Variants in MAP2K5 observed in about 807,000 individuals in gnomAD.
MAP2K5 encodes the protein mitogen-activated protein kinase kinase 5.
In MAP2K5, 49 loss-of-function variants were observed where a neutral mutation model predicts 83.1. That is an observed-to-expected ratio of 0.59 (90% CI 0.47 to 0.75). MAP2K5 has a LOEUF of 0.75. Among genes scored for constraint, MAP2K5 ranks in the 30% least tolerant of loss-of-function variants. MAP2K5 has a pLI of 0.00. For synonymous variants in MAP2K5, 202 were observed against 191.8 expected, an observed-to-expected ratio of 1.05 and a Z score of -0.44; for missense variants, 457 against 557.5, an observed-to-expected ratio of 0.82 and a Z score of 1.82.
At chr15:67,789,384 T>C (rs901503466) in intron 21 of MAP2K5, among the ~76,000 whole-genome samples, 1 of 152,184 alleles carries the variant, frequency 6.6e-6, no homozygotes, top group African/African-American at 2.4e-5. Flanking sequence ...GATACTAAAT[T>C]ATCAGATTTT....
chr15:67,579,855 A>G (rs1477827343), intron 3 of MAP2K5, among the ~76,000 whole-genome samples: 3 of 152,218 alleles, frequency 2.0e-5, no homozygotes, highest in African/African-American at 7.2e-5. Flanking sequence ...AATAATATGC[A>G]CATGTTTTTA....
At chr15:67,745,796 T>G (rs555752796) in intron 17 of MAP2K5, among the ~76,000 whole-genome samples, 2 of 152,360 alleles carry the variant, frequency 1.3e-5, no homozygotes, top group South Asian at 2.1e-4. Flanking sequence ...TGATGTTGCA[T>G]CATCAAATTC....
chr15:67,773,949 A>G (rs2090188991), intron 21 of MAP2K5, among the ~76,000 whole-genome samples: 1 of 152,238 alleles, frequency 6.6e-6, no homozygotes, highest in African/African-American at 2.4e-5. Context: ...AAACAAAGGA[A>G]TAGGGTTTCA....
chr15:67,567,077 A>T (rs1217891161), intron 3 of MAP2K5, among the ~76,000 whole-genome samples: 1 of 152,230 alleles, frequency 6.6e-6, no homozygotes, highest in Non-Finnish European at 1.5e-5. Context: ...TTTTTAAGAG[A>T]TAAAGAGAAG....
In MAP2K5 at chr15:67,790,323, A is replaced by G. The variant is rs2090493936; in HGVS notation, c.1243-16323A>G. Among the ~76,000 whole-genome samples the G allele has an allele frequency of 6.6e-6, 1 of 152,168 alleles. No homozygotes were observed. The highest frequency in any genetic ancestry group is 1.5e-5 in the Non-Finnish European group (1 of 68,026). On this transcript the variant is annotated intron_variant, in intron 21 of 21. Transcript: ENST00000178640. The surrounding 1 kb of genome is among the most constrained non-coding windows in gnomAD (Gnocchi z 4.6). ...TTAATGATAGGTTAATGTACAGTAT[A>G]ATGTTTTTGGGACTACGGGTTCATT...
chr15:67,608,111 C>T (rs973531249), intron 8 of MAP2K5, among the ~76,000 whole-genome samples: 4 of 152,140 alleles, frequency 2.6e-5, no homozygotes, highest in African/African-American at 9.7e-5. Context: ...ATCAGGTAAA[C>T]ATTACATTAG....
At position 67,727,935 on chromosome 15, in the gene MAP2K5, C is replaced by T. The variant is rs369963694; in HGVS notation, c.1064C>T (p.Pro355Leu). 1.9e-6 allele frequency: 3 copies of T among 1,612,326 alleles called. No individual in the cohort carries two copies. In the African/African-American group the frequency reaches 4.0e-5, roughly 22 times the overall value. ...TCCCAGCTTGCTCTTGGGAGGTTTC[C>T]ATATCCTCAGGTAAGATTGTTCATT... ...SFMELALGRF[P>L]YPQIQKNQGS... The change falls in exon 17 of 22, where the codon CCA becomes CTA. Residue 355 changes from proline to leucine, a missense_variant. By Grantham distance (98) the Pro-to-Leu change is moderately conservative (BLOSUM62 -3). Transcript: ENST00000178640.
chr15:67,728,230 AG>A (rs2089143640), intron 17 of MAP2K5, among the ~76,000 whole-genome samples: 1 of 151,822 alleles, frequency 6.6e-6, no homozygotes, highest in South Asian at 2.1e-4. Context: ...ACTCATTTTG[AG>A]GTTGGAGGAG....
intron 13 of MAP2K5, among the ~76,000 whole-genome samples, chr15:67,673,989 C>T (rs867809682): frequency 6.6e-6 from 1 of 152,062 alleles, no homozygotes; most frequent in Non-Finnish European, 1.5e-5. Context: ...GCTGGGAGTA[C>T]ACACACGTGC....
At chr15:67,570,411 G>A (rs916888516) in intron 3 of MAP2K5, among the ~76,000 whole-genome samples, 2 of 152,152 alleles carry the variant, frequency 1.3e-5, no homozygotes, top group African/African-American at 4.8e-5. Context: ...TGGACCCTCG[G>A]TCAAGTCTTT....
intron 1 of MAP2K5, among the ~76,000 whole-genome samples, chr15:67,544,066 T>G (rs1205452152): frequency 4.6e-5 from 7 of 152,212 alleles, no homozygotes; most frequent in African/African-American, 1.7e-4. Context: ...CACACCTGGA[T>G]AATTTTTGTA....
At chr15:67,585,716 C>G in intron 4 of MAP2K5, 174 bp from the exon 5 acceptor site, 1 of 583,152 alleles carries the variant, frequency 1.7e-6, no homozygotes, top group Admixed American at 2.7e-5. Flanking sequence ...AATGCTCACT[C>G]CTGCAAGTTA....
Position 67,779,657 on chromosome 15 carries a change from T to C in MAP2K5, c.1242+6905T>C, listed in dbSNP as rs1407830396. ...AGTCAAGTCAGATCTCTTAGTATGA[T>C]GATGACTTGCCTGTTTAAGATTGTA... On this transcript the variant is annotated intron_variant, in intron 21 of 21. Coordinates refer to ENST00000178640, the MANE Select transcript of MAP2K5 (RefSeq NM_145160.3). The surrounding 1 kb of genome is among the most constrained non-coding windows in gnomAD (Gnocchi z 4.6). 2.6e-5 allele frequency among the ~76,000 whole-genome samples: 4 copies of C among 152,274 alleles called. No individual in the cohort carries two copies. Among genetic ancestry groups the C allele is most frequent in the Admixed American group, 6.5e-5 (1 of 15,290 alleles).
chr15:67,603,717 A>C (rs1013873410), intron 8 of MAP2K5, among the ~76,000 whole-genome samples: 1 of 152,238 alleles, frequency 6.6e-6, no homozygotes, highest in Non-Finnish European at 1.5e-5. Context: ...ATGAGGATCC[A>C]CTTTACTAAA....
intron 8 of MAP2K5, among the ~76,000 whole-genome samples, chr15:67,602,666 G>T (rs1567303062): frequency 6.6e-6 from 1 of 152,130 alleles, no homozygotes; most frequent in East Asian, 1.9e-4. Context: ...TTTGTTGGTT[G>T]GTTTGTTTAT....
rs184278988 is a variant in MAP2K5, at chr15:67,787,600, G to C, written c.1242+14848G>C. On this transcript the variant is annotated intron_variant, in intron 21 of 21. Coordinates refer to ENST00000178640, the MANE Select transcript of MAP2K5 (RefSeq NM_145160.3). ...TTTTCAAGCTTATTAATCATAAGAAGAGTTATTTAAAATTGCATAAATTAA... is the reference window on the plus strand; with the variant it reads ...TTTTCAAGCTTATTAATCATAAGAACAGTTATTTAAAATTGCATAAATTAA... Among the ~76,000 whole-genome samples the C allele has an allele frequency of 8.3e-4, 127 of 152,244 alleles. 2 individuals carry two copies. Among genetic ancestry groups the C allele is most frequent in the Middle Eastern group, 6.8e-3 (2 of 294 alleles).
intron 11 of MAP2K5, among the ~76,000 whole-genome samples, chr15:67,650,969 T>C (rs1002916751): frequency 3.3e-5 from 5 of 152,156 alleles, no homozygotes; most frequent in African/African-American, 1.2e-4. Context: ...AATCCCAGCA[T>C]TTTGGAAGGC....
At chr15:67,569,398 C>T (rs993410573) in intron 3 of MAP2K5, among the ~76,000 whole-genome samples, 1 of 152,162 alleles carries the variant, frequency 6.6e-6, no homozygotes, top group African/African-American at 2.4e-5. Flanking sequence ...GAAAGGGAAA[C>T]TGAAGGAAAT....
chr15:67,641,176 A>G (rs192980999), intron 9 of MAP2K5, among the ~76,000 whole-genome samples: 7 of 152,352 alleles, frequency 4.6e-5, no homozygotes, highest in African/African-American at 1.7e-4. Flanking sequence ...TCTAAGTGGG[A>G]AAAATCCATC....
Sources: gnomAD v4.1 joint callset for allele counts (sites outside exome capture counted in the v4.1 genomes callset) on GRCh38, gnomAD v4.1.1 for gene constraint, Gnocchi (gnomAD v3.1) non-coding constraint, MANE v1.5 for transcripts, NCBI Gene and HGNC (gene_info 2026-07-23, HGNC 2026-07-21) for gene names.